The following FILIP1 variants were observed in gnomAD, a reference collection of about 807,000 sequenced individuals.
FILIP1 encodes filamin-A-interacting protein 1.
Under a neutral mutation model 102.1 loss-of-function variants are expected in FILIP1, and 61 were observed. The ratio of observed to expected loss-of-function variants is 0.60; its 90% CI spans 0.49 to 0.74. The LOEUF (loss-of-function observed/expected upper bound fraction) is 0.74. FILIP1 is among the 30% of genes least tolerant of loss of function. The pLI, the probability that FILIP1 is intolerant of heterozygous loss-of-function variation, is 0.00. For missense variants in FILIP1, 1,314 were observed against 1,441.2 expected (o/e 0.91, Z 1.43); for synonymous variants, 491 against 526.9 (o/e 0.93, Z 0.93).
intron 1 of FILIP1, among the ~76,000 whole-genome samples, chr6:75,465,958 C>T (rs1277307160): frequency 3.3e-5 from 5 of 152,162 alleles, no homozygotes; most frequent in Non-Finnish European, 5.9e-5. Context: ...GCTCCAGCCA[C>T]GCCAGCCATC....
chr6:75,323,572 G>T (rs1457522668), intron 4 of FILIP1, among the ~76,000 whole-genome samples: 1 of 152,184 alleles, frequency 6.6e-6, no homozygotes, highest in Non-Finnish European at 1.5e-5. Context: ...TTCAGGTGGT[G>T]TTAGAGGGGC....
intron 1 of FILIP1, among the ~76,000 whole-genome samples, chr6:75,433,307 T>C (rs1777892372): frequency 1.3e-5 from 2 of 152,208 alleles, no homozygotes; most frequent in Admixed American, 6.5e-5. Flanking sequence ...TGTAAAAGTG[T>C]TCCTATTTCT....
At chr6:75,337,392 T>G (rs544487477) in intron 4 of FILIP1, among the ~76,000 whole-genome samples, 1 of 152,318 alleles carries the variant, frequency 6.6e-6, no homozygotes, top group Admixed American at 6.5e-5. Context: ...CAGTTGCTTC[T>G]TTTTCAAATT....
intron 4 of FILIP1, among the ~76,000 whole-genome samples, chr6:75,344,904 G>T (rs1326135715): frequency 1.3e-5 from 2 of 152,234 alleles, no homozygotes; most frequent in African/African-American, 4.8e-5. Flanking sequence ...GAGCAACAGA[G>T]CAAGATGCCA....
chr6:75,296,364 TGTG>T (rs1222053898), intron 6 of FILIP1, among the ~76,000 whole-genome samples: 3 of 151,082 alleles, frequency 2.0e-5, no homozygotes, highest in Admixed American at 6.6e-5. Context: ...TGTGTGTGTG[TGTG>T]TGTGTGTGTG....
intron 1 of FILIP1, among the ~76,000 whole-genome samples, chr6:75,483,982 G>A (rs1378464076): frequency 6.6e-6 from 1 of 152,090 alleles, no homozygotes. Context: ...CATACAGAAA[G>A]CATTCATTAA....
intron 6 of FILIP1, among the ~76,000 whole-genome samples, chr6:75,297,474 CTTATATACCT>C (rs773303887): frequency 6.6e-6 from 1 of 152,024 alleles, no homozygotes; most frequent in Admixed American, 6.6e-5. Flanking sequence ...TATAGAATGT[CTTATATACCT>C]AAGAATATTT....
chr6:75,371,296 G>A (rs188774053), intron 2 of FILIP1, among the ~76,000 whole-genome samples: 156 of 152,284 alleles, frequency 1.0e-3, no homozygotes, highest in African/African-American at 3.5e-3. Flanking sequence ...TATAGAGCTT[G>A]TTCATAAAAG....
intron 1 of FILIP1, among the ~76,000 whole-genome samples, chr6:75,431,023 T>C (rs549229635): frequency 3.6e-4 from 55 of 152,240 alleles, no homozygotes; most frequent in African/African-American, 1.3e-3. Flanking sequence ...CTCAGGAAAG[T>C]TGCATGTTAT....
intron 1 of FILIP1, among the ~76,000 whole-genome samples, chr6:75,491,449 T>C (rs1779954225): frequency 6.6e-6 from 1 of 152,238 alleles, no homozygotes; most frequent in East Asian, 1.9e-4. Flanking sequence ...GAAGAGTAGA[T>C]AGACAAACAT....
At chr6:75,339,473 T>TA (rs1336401242) in intron 4 of FILIP1, among the ~76,000 whole-genome samples, 6 of 152,188 alleles carry the variant, frequency 3.9e-5, no homozygotes, top group Non-Finnish European at 8.8e-5. Context: ...ACAACTTCTG[T>TA]AAAAAAATAC....
chr6:75,382,773 A>G (rs539006083), intron 2 of FILIP1, among the ~76,000 whole-genome samples: 2 of 152,328 alleles, frequency 1.3e-5, no homozygotes, highest in East Asian at 3.9e-4. Context: ...CTTAAATGCT[A>G]CAGGAATGCA....
At chr6:75,318,089 T>C (rs12529811) in intron 4 of FILIP1, among the ~76,000 whole-genome samples, 11 of 152,270 alleles carry the variant, frequency 7.2e-5, no homozygotes, top group Middle Eastern at 3.4e-3. Context: ...CCTTTTTTTT[T>C]CATCCTGTCA....
chr6:75,376,347 T>C (rs1337216885), intron 2 of FILIP1, among the ~76,000 whole-genome samples: 1 of 152,164 alleles, frequency 6.6e-6, no homozygotes, highest in Non-Finnish European at 1.5e-5. Context: ...TGTTTCTTTG[T>C]CTGCAAAATG....
chr6:75,324,954 T>G (rs953377593), intron 4 of FILIP1, among the ~76,000 whole-genome samples: 2 of 152,180 alleles, frequency 1.3e-5, no homozygotes, highest in Non-Finnish European at 2.9e-5. Context: ...ATCAAAGACT[T>G]AAATGTAAGA....
chr6:75,444,035 A>G (rs1778360781), intron 1 of FILIP1, among the ~76,000 whole-genome samples: 1 of 152,244 alleles, frequency 6.6e-6, no homozygotes, highest in Non-Finnish European at 1.5e-5. Flanking sequence ...TACTTAATAA[A>G]TAGAAGAGGT....
At chr6:75,385,841 ATT>A (rs10716918) in intron 2 of FILIP1, among the ~76,000 whole-genome samples, 23 of 141,050 alleles carry the variant, frequency 1.6e-4, no homozygotes, top group African/African-American at 4.9e-4. Context: ...GCCCCTTAGG[ATT>A]TTTTTTTTTT....
At chr6:75,342,453 T>C (rs145694023) in intron 4 of FILIP1, among the ~76,000 whole-genome samples, 74 of 152,376 alleles carry the variant, frequency 4.9e-4, no homozygotes, top group Middle Eastern at 3.4e-3. Flanking sequence ...CTGAATCTTT[T>C]ATAATTTCTA....
In FILIP1 at chr6:75,313,844, A is replaced by T. The variant is rs1256649258; in HGVS notation, c.1988T>A (p.Leu663Gln). Residue 663 changes from leucine to glutamine, a missense_variant, in exon 5 of 6, where the codon CTG becomes CAG. Coordinates refer to ENST00000237172, the MANE Select transcript of FILIP1 (RefSeq NM_015687.5). The surrounding 1 kb of genome is among the most constrained non-coding windows in gnomAD (Gnocchi z 4.2). ...CTGCTCAGTTCTAAATTTCTGTTCCAGCTGATCATACTCATCTTCTGTCTT... is the reference window on the plus strand; with the variant it reads ...CTGCTCAGTTCTAAATTTCTGTTCCTGCTGATCATACTCATCTTCTGTCTT... Reference protein sequence around the residue: ...LMKTEDEYDQLEQKFRTEQDK... With the variant: ...LMKTEDEYDQQEQKFRTEQDK... 2.5e-6 allele frequency: 4 copies of T among 1,614,100 alleles called. No homozygotes were observed. The highest frequency in any genetic ancestry group is 3.4e-6 in the Non-Finnish European group (4 of 1,180,012).
Sources: gnomAD v4.1 joint callset for allele counts (sites outside exome capture counted in the v4.1 genomes callset) on GRCh38, gnomAD v4.1.1 for gene constraint, Gnocchi (gnomAD v3.1) non-coding constraint, MANE v1.5 for transcripts, NCBI Gene and HGNC (gene_info 2026-07-23, HGNC 2026-07-21) for gene names.